CLNK: variants seen among roughly 807,000 people sequenced by gnomAD.
CLNK encodes the protein cytokine-dependent hematopoietic cell linker.
In CLNK, 74 loss-of-function variants were observed where a neutral mutation model predicts 68.6. The ratio of observed to expected loss-of-function variants is 1.08; its 90% CI spans 0.89 to 1.31. The LOEUF (loss-of-function observed/expected upper bound fraction) is 1.31. Among genes scored for constraint, CLNK ranks in the 50% most tolerant of loss-of-function variants. The pLI is 0.00. For synonymous variants in CLNK, 198 were observed against 172.2 expected (o/e 1.15, Z -1.17); for missense variants, 553 against 515.3 (o/e 1.07, Z -0.71).
chr4:10,710,721 T>C, the CLNK span, among the ~76,000 whole-genome samples: 1 of 152,170 alleles, frequency 6.6e-6, no homozygotes, highest in Non-Finnish European at 1.5e-5. Context: ...CCAGAGGTAA[T>C]TCCTATTAGA....
chr4:10,645,769 G>A (rs1354721627), intron 2 of CLNK, among the ~76,000 whole-genome samples: 1 of 152,136 alleles, frequency 6.6e-6, no homozygotes, highest in Non-Finnish European at 1.5e-5. Context: ...GTATTCAAGA[G>A]TACAGTAGGG....
Position 10,489,053 on chromosome 4 carries a change from T to TCTCTC in CLNK, c.*1413_*1414insGAGAG, listed in dbSNP as rs1553841352. Reference sequence around the variant, plus strand: ...CTGTATTTTCAAATTGTTTCTATCTTTCTCTCTCTCTCTCTCTTTTTTTTT... The same window carrying TCTCTC: ...CTGTATTTTCAAATTGTTTCTATCTTCTCTCTCTCTCTCTCTCTCTCTTTTTTTTT... On this transcript the variant is annotated 3_prime_UTR_variant, in exon 19 of 19. Transcript: ENST00000226951. The TCTCTC allele has an allele frequency of 8.5e-6, 1 of 117,566 alleles. No homozygotes were observed. Among genetic ancestry groups the TCTCTC allele is most frequent in the African/African-American group, 2.7e-5 (1 of 37,064 alleles). The allele number at this position is 117,566 out of a possible 1,614,324, so 7.3% of individuals were successfully genotyped here. A position where few individuals can be genotyped will look rare whatever the true frequency, so the allele number is the denominator to read the frequency against.
chr4:10,686,647 T>C (rs1725284057), upstream of CLNK, among the ~76,000 whole-genome samples: 1 of 150,390 alleles, frequency 6.6e-6, no homozygotes, highest in African/African-American at 2.5e-5. Flanking sequence ...CATGGTCCCA[T>C]TGGCCAAAGC....
intron 8 of CLNK, among the ~76,000 whole-genome samples, chr4:10,550,289 C>A (rs538460975): frequency 6.6e-6 from 1 of 152,024 alleles, no homozygotes; most frequent in Non-Finnish European, 1.5e-5. Flanking sequence ...GTCGGGAGAT[C>A]GAGACCATCC....
At chr4:10,545,796 C>T (rs763855324) in intron 8 of CLNK, among the ~76,000 whole-genome samples, 15 of 152,322 alleles carry the variant, frequency 9.8e-5, no homozygotes, top group Non-Finnish European at 1.9e-4. Context: ...GCCTCCACAG[C>T]TCTTGCTTTC....
In CLNK at chr4:10,552,151, C is replaced by T. The variant is rs988282761; in HGVS notation, c.445+6256G>A. Among the ~76,000 whole-genome samples, 48 of 152,152 alleles carry T rather than the reference C, an allele frequency of 3.2e-4. 1 individual carries two copies. Among genetic ancestry groups the T allele is most frequent in the African/African-American group, 9.6e-5 (4 of 41,494 alleles). The stretch of plus-strand genomic sequence containing the variant: ...GATTACAGGTGTGAGCCACCACGCC[C>T]GGCCGAGAATTATAATATTAATAGT... On this transcript the variant is annotated intron_variant, in intron 8 of 18. Transcript: ENST00000226951.
chr4:10,568,721 C>A (rs902133054), intron 5 of CLNK, among the ~76,000 whole-genome samples: 9 of 152,330 alleles, frequency 5.9e-5, no homozygotes, highest in African/African-American at 2.2e-4. Context: ...CCGAAAGAAT[C>A]TGGAAGCAAG....
chr4:10,642,569 C>T (rs554506198), intron 2 of CLNK, among the ~76,000 whole-genome samples: 11 of 152,252 alleles, frequency 7.2e-5, no homozygotes, highest in Admixed American at 7.2e-4. Context: ...AAAGAAAAAC[C>T]TGGTCATCTG....
At chr4:10,622,751 G>A (rs189201691) in intron 2 of CLNK, among the ~76,000 whole-genome samples, 20 of 152,202 alleles carry the variant, frequency 1.3e-4, no homozygotes, top group Admixed American at 8.5e-4. Context: ...TGCTATAACC[G>A]AATAGCATGG....
At chr4:10,612,335 G>A (rs548230211) in intron 2 of CLNK, among the ~76,000 whole-genome samples, 1 of 152,336 alleles carries the variant, frequency 6.6e-6, no homozygotes, top group South Asian at 2.1e-4. Context: ...TGAGTTTGAA[G>A]TCATTCCCCA....
chr4:10,555,005 A>G (rs1719607147), intron 8 of CLNK, among the ~76,000 whole-genome samples: 1 of 152,242 alleles, frequency 6.6e-6, no homozygotes, highest in African/African-American at 2.4e-5. Flanking sequence ...GGCCTTGAGC[A>G]AGCCACTTCC....
Position 10,490,267 on chromosome 4 carries a change from T to G in CLNK, c.*200A>C. ...GGCCAGTTACTAGAATGTTTTTATT[T>G]TTTGCATGTTATAAATATTTTCTCT... On this transcript the variant is annotated 3_prime_UTR_variant, in exon 19 of 19. Transcript: ENST00000226951. 1 of 458,134 alleles carries G rather than the reference T, an allele frequency of 2.2e-6. No individual in the cohort carries two copies. Among genetic ancestry groups the G allele is most frequent in the East Asian group, 3.5e-5 (1 of 28,738 alleles). The allele number at this position is 458,134 out of a possible 1,614,324, so 28.4% of individuals were successfully genotyped here.
intron 2 of CLNK, among the ~76,000 whole-genome samples, chr4:10,614,380 T>C (rs1457326286): frequency 6.6e-6 from 1 of 152,178 alleles, no homozygotes; most frequent in Non-Finnish European, 1.5e-5. Context: ...GTTTTCATCC[T>C]TGGTTCTACA....
chr4:10,682,257 T>A (rs1725122478), intron 1 of CLNK, among the ~76,000 whole-genome samples: 1 of 152,160 alleles, frequency 6.6e-6, no homozygotes, highest in Non-Finnish European at 1.5e-5. Context: ...AGAATTTAAA[T>A]TCAGGTATTT....
chr4:10,552,795 G>A (rs1483242933), intron 8 of CLNK, among the ~76,000 whole-genome samples: 1 of 152,154 alleles, frequency 6.6e-6, no homozygotes, highest in Non-Finnish European at 1.5e-5. Flanking sequence ...CTCTACGGCA[G>A]TGCCCTGGTC....
intron 1 of CLNK, among the ~76,000 whole-genome samples, chr4:10,674,724 C>T (rs1025941391): frequency 8.5e-5 from 13 of 152,192 alleles, no homozygotes; most frequent in Non-Finnish European, 1.5e-4. Context: ...AACCCCACAG[C>T]TTTGGGGCGG....
the CLNK span, among the ~76,000 whole-genome samples, chr4:10,728,513 C>A: frequency 6.6e-6 from 1 of 151,606 alleles, no homozygotes; most frequent in Non-Finnish European, 1.5e-5. Context: ...TCAACAGGTA[C>A]CTTTACCAAA....
intron 5 of CLNK, among the ~76,000 whole-genome samples, chr4:10,568,085 T>C (rs1720192699): frequency 6.6e-6 from 1 of 152,200 alleles, no homozygotes; most frequent in Admixed American, 6.5e-5. Context: ...AACTAGCACA[T>C]GTTTATAGCA....
intron 15 of CLNK, among the ~76,000 whole-genome samples, chr4:10,515,931 G>C (rs1043996716): frequency 2.6e-5 from 4 of 152,050 alleles, no homozygotes; most frequent in African/African-American, 9.7e-5. Flanking sequence ...TCATTGATAG[G>C]GCTTTGATTT....
Sources: gnomAD v4.1 joint callset for allele counts (sites outside exome capture counted in the v4.1 genomes callset) on GRCh38, gnomAD v4.1.1 for gene constraint, MANE v1.5 for transcripts, NCBI Gene and HGNC (gene_info 2026-07-23, HGNC 2026-07-21) for gene names.